ZZEF1: variants seen among roughly 807,000 people sequenced by gnomAD.
ZZEF1 encodes the protein zinc finger ZZ-type and EF-hand domain-containing protein 1.
A neutral mutation model predicts 342.8 loss-of-function variants in ZZEF1; 157 were observed. The ratio of observed to expected loss-of-function variants is 0.46; its 90% confidence interval spans 0.40 to 0.52. The LOEUF (loss-of-function observed/expected upper bound fraction) is 0.52. ZZEF1 is among the 20% of genes least tolerant of loss of function. ZZEF1 has a pLI of 0.00. For synonymous variants in ZZEF1, 1,505 were observed against 1,429.1 expected (o/e 1.05, Z -1.20); for missense variants, 3,480 against 3,725.6 (o/e 0.93, Z 1.72).
chr17:4,080,331 GTTT>G (rs952608435), intron 18 of ZZEF1, among the ~76,000 whole-genome samples: 2 of 42,670 alleles, frequency 4.7e-5, no homozygotes, highest in Admixed American at 3.3e-4. Context: ...TTTTTTTTTT[GTTT>G]TTTGTTTGTT....
intron 25 of ZZEF1, among the ~76,000 whole-genome samples, chr17:4,072,335 T>C (rs2057526053): frequency 6.6e-6 from 1 of 152,228 alleles, no homozygotes; most frequent in African/African-American, 2.4e-5. Flanking sequence ...GTACACTCAA[T>C]TGTTTGCCTG....
Position 4,077,758 on chromosome 17 carries a change from C to T in ZZEF1, c.2989+125G>A, listed in dbSNP as rs1353622341. Reference sequence around the variant, plus strand: ...CTATTTTAATTAGACCAAACCAGTCCAAGAATCTGAATCGTAATGAAGAAA... The same window carrying T: ...CTATTTTAATTAGACCAAACCAGTCTAAGAATCTGAATCGTAATGAAGAAA... On this transcript the variant is annotated intron_variant, in intron 19 of 54. Transcript: ENST00000381638. 3.8e-6 allele frequency: 4 copies of T among 1,052,570 alleles called. No individual in the cohort carries two copies. In the African/African-American group the frequency reaches 6.4e-5, roughly 17 times the overall value. The allele number at this position is 1,052,570 out of a possible 1,614,324, so 65.2% of individuals were successfully genotyped here. A position where few individuals can be genotyped will look rare whatever the true frequency, so the allele number is the denominator to read the frequency against.
intron 1 of ZZEF1, among the ~76,000 whole-genome samples, chr17:4,132,950 A>T (rs912745516): frequency 2.6e-5 from 4 of 151,340 alleles, no homozygotes; most frequent in Non-Finnish European, 5.9e-5. Flanking sequence ...TGGGCGACAG[A>T]GCGAGACTCC....
intron 25 of ZZEF1, among the ~76,000 whole-genome samples, chr17:4,072,255 G>C (rs1223535045): frequency 1.3e-5 from 2 of 152,220 alleles, no homozygotes; most frequent in Non-Finnish European, 2.9e-5. Flanking sequence ...ATCATGTGCT[G>C]TAATTCTAAG....
At position 4,005,722 on chromosome 17, in the gene ZZEF1, GC is replaced by G. The variant is rs1428435278; in HGVS notation, c.*1167del. 6.6e-6 allele frequency: 1 copy of G among 152,310 alleles called. No homozygotes were observed. The highest frequency in any genetic ancestry group is 1.9e-4 in the East Asian group (1 of 5,182). 9.4% of individuals were successfully genotyped at this position (152,310 alleles called of 1,614,324 possible). ...TGGTGGGGCCCCTTCTCTGGCTCTG[GC>G]ACTGTGTGGTGGGACGTGCTTCGGC... On this transcript the variant is annotated 3_prime_UTR_variant, in exon 55 of 55. Transcript: ENST00000381638.
Position 4,017,345 on chromosome 17 carries a change from A to T in ZZEF1, c.8001+26T>A. ...GGGCAGAGGAAGAACCTGGTGGGTG[A>T]GCACAAGCTCAGTCTGCATAACTAC... On this transcript the variant is annotated intron_variant, in intron 48 of 54. Transcript: ENST00000381638. The surrounding 1 kb of genome is among the most constrained non-coding windows in gnomAD (Gnocchi z 5.1). 4 of 1,556,068 alleles carry T rather than the reference A, an allele frequency of 2.6e-6. No homozygotes were observed. The highest frequency in any genetic ancestry group is 3.5e-6 in the Non-Finnish European group (4 of 1,148,986).
chr17:4,070,180 C>G (rs1567813117), intron 26 of ZZEF1, among the ~76,000 whole-genome samples: 2 of 152,190 alleles, frequency 1.3e-5, no homozygotes, highest in Non-Finnish European at 2.9e-5. Context: ...TGCAAGCTAG[C>G]TAAAGGTAAT....
intron 54 of ZZEF1, among the ~76,000 whole-genome samples, chr17:4,007,515 G>A (rs76255472): frequency 0.037 from 5,641 of 152,210 alleles, 201 homozygotes; most frequent in East Asian, 0.1. Flanking sequence ...CTGTGGGGGG[G>A]GTCAGAAGAG....
At position 4,132,567 on chromosome 17, in the gene ZZEF1, A is replaced by G. The variant is rs9892340; in HGVS notation, c.355-8516T>C. On this transcript the variant is annotated intron_variant, in intron 1 of 54. Coordinates refer to ENST00000381638, the MANE Select transcript of ZZEF1 (RefSeq NM_015113.4). Reference sequence around the variant, plus strand: ...CAAAAAATTAGCCGGGCTTGGTGGCAGGCGCCTGTAATCCCAGCACTTTGG... The same window carrying G: ...CAAAAAATTAGCCGGGCTTGGTGGCGGGCGCCTGTAATCCCAGCACTTTGG... 2.2e-3 allele frequency among the ~76,000 whole-genome samples: 330 copies of G among 147,642 alleles called. 1 individual carries two copies. Among genetic ancestry groups the G allele is most frequent in the African/African-American group, 5.3e-3 (206 of 38,822 alleles).
chr17:4,065,736 T>A (rs1046286740), intron 28 of ZZEF1, among the ~76,000 whole-genome samples: 4 of 152,104 alleles, frequency 2.6e-5, no homozygotes, highest in Non-Finnish European at 5.9e-5. Context: ...TTAGCATATT[T>A]CTCTTAAAAA....
chr17:4,051,876 TAAA>T, intron 35 of ZZEF1, 92 bp downstream of exon 35: 1 of 1,341,634 alleles, frequency 7.5e-7, no homozygotes, highest in Non-Finnish European at 1.0e-6. Flanking sequence ...AATTTTTAAA[TAAA>T]AAAAACTTTT....
rs995224510 is a variant in ZZEF1 at position 4,105,704 on chromosome 17, T to A, written c.1383A>T (p.Ile461=). 13 of 1,612,304 alleles carry A rather than the reference T, an allele frequency of 8.1e-6. No individual in the cohort carries two copies. Among genetic ancestry groups the A allele is most frequent in the Non-Finnish European group, 1.0e-5 (12 of 1,178,696 alleles). Residue 461 remains isoleucine, a synonymous_variant, in exon 7 of 55, where the codon ATA becomes ATT. Transcript: ENST00000381638. Reference sequence around the variant, plus strand: ...AGCCTTGATTTTACCTAGTTATCCTTATGAGGAAACTGTCCACTTCTTCCA... The same window carrying A: ...AGCCTTGATTTTACCTAGTTATCCTAATGAGGAAACTGTCCACTTCTTCCA... The part of the protein sequence containing the change: ...NVLEEVDSFL[I]RITSCCSTPE...
chr17:4,018,132 T>G (rs1241672541), intron 46 of ZZEF1, among the ~76,000 whole-genome samples, 161 bp from the exon 47 acceptor site: 2 of 152,204 alleles, frequency 1.3e-5, no homozygotes, highest in Non-Finnish European at 2.9e-5. Context: ...AGCCTTCACT[T>G]ATGCATGGAT....
rs531018809 is a variant in ZZEF1 at position 4,081,433 on chromosome 17, C to T, written c.2772G>A (p.Met924Ile). The change falls in exon 18 of 55, where the codon ATG becomes ATA. Residue 924 changes from methionine (M) to isoleucine (I), a missense_variant. Transcript: ENST00000381638. ...TGACCGCCAGGACTTCACTGATGTT[C>T]ATCTTGGCCAGGTCGTTCTTCTCAG... is the stretch of plus-strand genomic sequence containing the variant. ...LLPEKNDLAK[M>I]NISEVLAVMD... is the part of the protein sequence containing the mutation. 3.7e-6 allele frequency: 6 copies of T among 1,614,062 alleles called. No individual in the cohort carries two copies. In the African/African-American group the frequency reaches 4.0e-5, roughly 11 times the overall value.
chr17:4,042,637 T>C (rs2056826973), intron 38 of ZZEF1, 69 bp from the exon 39 acceptor site: 1 of 1,475,770 alleles, frequency 6.8e-7, no homozygotes, highest in South Asian at 1.3e-5. Context: ...AGTAAACCAC[T>C]GCACTGTCCC....
Position 4,088,678 on chromosome 17 carries a change from C to T in ZZEF1, c.2241G>A (p.Leu747=). ...LQFIQQLAHD[L]VQQKESGLKY... ...CGTCTAACAACTGAGGAAGCCCTACCAGGTCATGGGCGAGCTGCTGGATAA... is the reference window on the plus strand; with the variant it reads ...CGTCTAACAACTGAGGAAGCCCTACTAGGTCATGGGCGAGCTGCTGGATAA... Residue 747 remains leucine, a splice_region_variant and synonymous_variant, in exon 13 of 55, where the codon CTG becomes CTA. Coordinates refer to ENST00000381638, the MANE Select transcript of ZZEF1 (RefSeq NM_015113.4). The T allele has an allele frequency of 6.2e-7, 1 of 1,613,472 alleles. No individual in the cohort carries two copies. The highest frequency in any genetic ancestry group is 1.1e-5 in the South Asian group (1 of 91,026).
intron 23 of ZZEF1, 108 bp from the exon 24 acceptor site, chr17:4,074,459 T>A: frequency 1.7e-6 from 2 of 1,157,454 alleles, no homozygotes; most frequent in Non-Finnish European, 2.5e-6. Flanking sequence ...TTGATCTCTA[T>A]TTCCACATGT....
At chr17:4,073,042 T>C (rs986245861) in intron 24 of ZZEF1, among the ~76,000 whole-genome samples, 1 of 152,222 alleles carries the variant, frequency 6.6e-6, no homozygotes, top group Non-Finnish European at 1.5e-5. Flanking sequence ...ATATGAACCA[T>C]TTCTGGCATA....
rs780380329 is a variant in ZZEF1, at chr17:4,077,899, C to T, written c.2973G>A (p.Val991=). Residue 991 remains valine, a synonymous_variant, in exon 19 of 55, where the codon GTG becomes GTA. Transcript: ENST00000381638. ...STDSGAKDLA[V]DLIEKYVGQF... ...GAAACTCACATTTTTCAATAAGGTC[C>T]ACGGCAAGATCTTTGGCTCCAGAGT... 7 of 1,613,916 alleles carry T rather than the reference C, an allele frequency of 4.3e-6. No homozygotes were observed. Among genetic ancestry groups the T allele is most frequent in the Admixed American group, 1.7e-5 (1 of 60,022 alleles).
Sources: gnomAD v4.1 joint callset for allele counts (sites outside exome capture counted in the v4.1 genomes callset) on GRCh38, gnomAD v4.1.1 for gene constraint, Gnocchi (gnomAD v3.1) non-coding constraint, MANE v1.5 for transcripts, NCBI Gene and HGNC (gene_info 2026-07-23, HGNC 2026-07-21) for gene names.